TRIM44: variants seen among roughly 807,000 people sequenced by gnomAD.
The protein encoded by TRIM44 is tripartite motif containing 44.
In TRIM44, 13 loss-of-function variants were observed where a neutral mutation model predicts 37.4. The ratio of observed to expected loss-of-function variants is 0.35; its 90% confidence interval spans 0.23 to 0.55. TRIM44 has a LOEUF of 0.55. TRIM44 is among the 20% of genes least tolerant of loss of function. TRIM44 has a pLI of 0.89. For synonymous variants in TRIM44, 175 were observed against 157.2 expected (o/e 1.11, Z -0.85); for missense variants, 426 against 437.2 (o/e 0.97, Z 0.23).
rs1166723391 is a variant in TRIM44 at position 35,679,498 on chromosome 11, A to T, written c.670-5761A>T. On this transcript the variant is annotated intron_variant, in intron 1 of 4. Transcript: ENST00000299413. Reference sequence around the variant, plus strand: ...GTAGAAAACATTTAGAATTGCTTCCAGGGATAGCAACTTCAGATATCTACC... The same window carrying T: ...GTAGAAAACATTTAGAATTGCTTCCTGGGATAGCAACTTCAGATATCTACC... 2.0e-5 allele frequency among the ~76,000 whole-genome samples: 3 copies of T among 152,224 alleles called. No homozygotes were observed. In the East Asian group the frequency reaches 5.8e-4, roughly 29 times the overall value.
chr11:35,703,063 G>A (rs1474818369), intron 2 of TRIM44, among the ~76,000 whole-genome samples: 9 of 152,204 alleles, frequency 5.9e-5, no homozygotes, highest in South Asian at 2.1e-4. Flanking sequence ...CTAATACCGC[G>A]CTTTTCCGAC....
intron 3 of TRIM44, among the ~76,000 whole-genome samples, chr11:35,730,903 G>A (rs1326116815): frequency 6.9e-6 from 1 of 144,408 alleles, no homozygotes; most frequent in Non-Finnish European, 1.5e-5. Flanking sequence ...AGGCTGGAGT[G>A]CAGTGGCGTG....
rs1853530183 is a variant in TRIM44 at position 35,811,829 on chromosome 11, G to T, written c.*5444G>T. ...ACCCTTTTAGTTAGCTAGGGACTGT[G>T]TGAGAACCTTGAGAAAATTGTCCAA... On this transcript the variant is annotated 3_prime_UTR_variant, in exon 5 of 5. Transcript: ENST00000299413. The T allele has an allele frequency of 6.6e-6, 1 of 152,048 alleles. No homozygotes were observed. The highest frequency in any genetic ancestry group is 2.4e-5 in the African/African-American group (1 of 41,312). 9.4% of individuals were successfully genotyped at this position (152,048 alleles called of 1,614,324 possible).
At position 35,663,530 on chromosome 11, in the gene TRIM44, AG is replaced by A; in HGVS notation, c.421del (p.Ala141ProfsTer27). The A allele has an allele frequency of 6.2e-7, 1 of 1,608,454 alleles. No homozygotes were observed. Among genetic ancestry groups the A allele is most frequent in the Non-Finnish European group, 8.5e-7 (1 of 1,177,004 alleles). On this transcript the variant is annotated frameshift_variant, in exon 1 of 5. Transcript: ENST00000299413. LOFTEE classifies it high-confidence loss of function. The stretch of plus-strand genomic sequence containing the variant: ...GAAATGGAGGATGAGCAAGAAAGCG[AG>A]GCCGAAGAAGACAACCAAGAAGAAG... ...EEEMEDEQES[E>X]AEEDNQEEGE...
chr11:35,763,117 A>G (rs1852749637), intron 4 of TRIM44, among the ~76,000 whole-genome samples: 1 of 152,192 alleles, frequency 6.6e-6, no homozygotes, highest in Admixed American at 6.5e-5. Context: ...CCTTTATTCT[A>G]AGACCAAAGC....
intron 2 of TRIM44, among the ~76,000 whole-genome samples, chr11:35,717,892 T>C (rs1347666927): frequency 6.6e-6 from 1 of 152,044 alleles, no homozygotes; most frequent in Admixed American, 6.6e-5. Flanking sequence ...TCTAACATAA[T>C]ATAACTGCAT....
intron 4 of TRIM44, among the ~76,000 whole-genome samples, chr11:35,778,262 G>T (rs1853001227): frequency 6.6e-6 from 1 of 152,078 alleles, no homozygotes; most frequent in Admixed American, 6.6e-5. Context: ...TACTGAACCT[G>T]GTGCATTTGT....
At chr11:35,703,494 T>A (rs1403778784) in intron 2 of TRIM44, among the ~76,000 whole-genome samples, 2 of 152,194 alleles carry the variant, frequency 1.3e-5, no homozygotes, top group African/African-American at 2.4e-5. Flanking sequence ...CCGAGCAGCC[T>A]AACTGGGAGG....
intron 4 of TRIM44, among the ~76,000 whole-genome samples, chr11:35,768,799 G>A (rs1214627699): frequency 6.6e-6 from 1 of 152,090 alleles, no homozygotes; most frequent in Non-Finnish European, 1.5e-5. Context: ...AAGCTCATGG[G>A]GAGGGTAAAT....
chr11:35,755,106 T>A (rs565839515), intron 4 of TRIM44, among the ~76,000 whole-genome samples: 1 of 152,324 alleles, frequency 6.6e-6, no homozygotes, highest in East Asian at 1.9e-4. Flanking sequence ...GTTGGACTAG[T>A]TTACACTCCC....
intron 4 of TRIM44, 126 bp from the exon 5 acceptor site, chr11:35,806,232 C>T (rs1354461392): frequency 3.0e-6 from 3 of 1,014,146 alleles, no homozygotes; most frequent in South Asian, 2.9e-5. Context: ...CCATATTGCT[C>T]AATCATGGTA....
chr11:35,745,367 T>TCAC (rs1852474716), intron 4 of TRIM44, among the ~76,000 whole-genome samples: 1 of 152,178 alleles, frequency 6.6e-6, no homozygotes, highest in Non-Finnish European at 1.5e-5. Context: ...AATGGGGTTG[T>TCAC]TTTTTTCTTG....
intron 2 of TRIM44, among the ~76,000 whole-genome samples, chr11:35,707,359 A>G (rs886229929): frequency 1.1e-4 from 17 of 152,190 alleles, no homozygotes; most frequent in African/African-American, 3.9e-4. Context: ...TATAGATTCA[A>G]TGCCATCCCC....
chr11:35,786,722 T>C (rs1853134905), intron 4 of TRIM44, among the ~76,000 whole-genome samples: 1 of 152,122 alleles, frequency 6.6e-6, no homozygotes, highest in African/African-American at 2.4e-5. Flanking sequence ...TGATACCTAT[T>C]ATAATGCATA....
At chr11:35,695,448 T>G (rs1851685500) in intron 2 of TRIM44, among the ~76,000 whole-genome samples, 1 of 152,154 alleles carries the variant, frequency 6.6e-6, no homozygotes, top group Non-Finnish European at 1.5e-5. Context: ...GATATTTAAT[T>G]AATTTTTGTT....
chr11:35,714,329 A>G (rs1220927367), intron 2 of TRIM44, among the ~76,000 whole-genome samples: 1 of 152,178 alleles, frequency 6.6e-6, no homozygotes, highest in Non-Finnish European at 1.5e-5. Flanking sequence ...AATATCTATG[A>G]GAATGTTATT....
At chr11:35,799,864 G>A (rs1853342643) in intron 4 of TRIM44, among the ~76,000 whole-genome samples, 1 of 152,216 alleles carries the variant, frequency 6.6e-6, no homozygotes, top group Non-Finnish European at 1.5e-5. Flanking sequence ...GAACTAGAGA[G>A]AGAAGAGCCC....
intron 2 of TRIM44, among the ~76,000 whole-genome samples, chr11:35,694,699 C>T (rs1851675782): frequency 6.6e-6 from 1 of 151,932 alleles, no homozygotes. Flanking sequence ...GTTAGCTTTA[C>T]CCTAAGGGTT....
At chr11:35,706,988 T>C (rs1240128928) in intron 2 of TRIM44, among the ~76,000 whole-genome samples, 4 of 152,130 alleles carry the variant, frequency 2.6e-5, no homozygotes, top group East Asian at 3.9e-4. Context: ...TGTTTGCAGA[T>C]GACATGATTG....
Sources: gnomAD v4.1 joint callset for allele counts (sites outside exome capture counted in the v4.1 genomes callset) on GRCh38, gnomAD v4.1.1 for gene constraint, MANE v1.5 for transcripts, NCBI Gene and HGNC (gene_info 2026-07-23, HGNC 2026-07-21) for gene names.